Variants in ASPSCR1 observed in about 807,000 individuals in gnomAD.
ASPSCR1 encodes the protein ASPSCR1 tether for SLC2A4, UBX domain containing.
A neutral mutation model predicts 68.9 loss-of-function variants in ASPSCR1; 55 were observed. The ratio of observed to expected loss-of-function variants is 0.80; its 90% confidence interval spans 0.64 to 1.00. The LOEUF (loss-of-function observed/expected upper bound fraction) is 1.00. Among genes scored for constraint, ASPSCR1 ranks in the 50% least tolerant of loss-of-function variants. ASPSCR1 has a pLI of 0.00. For synonymous variants in ASPSCR1, 352 were observed against 332.6 expected (o/e 1.06, Z -0.63); for missense variants, 765 against 762.2 (o/e 1.00, Z -0.04).
chr17:81,996,483 G>A lies in ASPSCR1; in HGVS notation c.570G>A (p.Ser190=), dbSNP rs201473706. Residue 190 remains serine, a synonymous_variant, in exon 7 of 16, where the codon TCG becomes TCA. Transcript: ENST00000306739. ...CAGGAAGCCTGGGCTCGTCAGCGTC[G>A]GCTGGCCAGGCAGCCGCCAGCGCTC... ...KTPGSLGSSA[S]AGQAAASAPL... 108 of 1,611,192 alleles carry A rather than the reference G, an allele frequency of 6.7e-5. No individual in the cohort carries two copies. The highest frequency in any genetic ancestry group is 8.4e-5 in the Non-Finnish European group (99 of 1,178,988).
chr17:81,999,887 A>G lies in ASPSCR1; in HGVS notation c.933+3041A>G, dbSNP rs2144055647. On this transcript the variant is annotated intron_variant, in intron 7 of 15. Transcript: ENST00000306739. The surrounding 1 kb of genome is among the most constrained non-coding windows in gnomAD (Gnocchi z 4.4). The stretch of plus-strand genomic sequence containing the variant: ...GGGGGCTCCCATCTAGCCCGGCGTC[A>G]GGGTCCAGCCCCTCTGTTTTCTGTC... Among the ~76,000 whole-genome samples the G allele has an allele frequency of 6.6e-6, 1 of 152,328 alleles. No homozygotes were observed.
rs2042018952 is a variant in ASPSCR1 at position 81,987,103 on chromosome 17, G to A, written c.374+1496G>A. 6.7e-6 allele frequency among the ~76,000 whole-genome samples: 1 copy of A among 150,276 alleles called. No homozygotes were observed. The highest frequency in any genetic ancestry group is 2.1e-4 in the South Asian group (1 of 4,762). ...AGCCTAAGAGCAAAGCGAAGCCACGGGCAGGGGTGAGCGGGACCCGAGGCA... is the reference window on the plus strand; with the variant it reads ...AGCCTAAGAGCAAAGCGAAGCCACGAGCAGGGGTGAGCGGGACCCGAGGCA... On this transcript the variant is annotated intron_variant, in intron 4 of 15. Transcript: ENST00000306739. The surrounding 1 kb of genome is among the most constrained non-coding windows in gnomAD (Gnocchi z 5.6).
At chr17:81,980,071 C>T (rs1345624052) in intron 2 of ASPSCR1, among the ~76,000 whole-genome samples, 1 of 152,216 alleles carries the variant, frequency 6.6e-6, no homozygotes, top group Non-Finnish European at 1.5e-5. Context: ...CAACCTCCAC[C>T]TCCTAGGTTC....
chr17:81,992,205 C>G (rs770799898), intron 4 of ASPSCR1, among the ~76,000 whole-genome samples: 1 of 152,158 alleles, frequency 6.6e-6, no homozygotes, highest in Non-Finnish European at 1.5e-5. Context: ...TGGGTCTTGC[C>G]CCTGCGGACA....
intron 10 of ASPSCR1, 103 bp downstream of exon 10, chr17:82,010,971 G>A (rs535174123): frequency 3.7e-6 from 5 of 1,366,604 alleles, no homozygotes; most frequent in Middle Eastern, 2.5e-4. Flanking sequence ...CCTGGCCTGC[G>A]GGCTCCAGGG....
At chr17:81,997,295 C>T (rs576814770) in intron 7 of ASPSCR1, among the ~76,000 whole-genome samples, 20 of 152,124 alleles carry the variant, frequency 1.3e-4, no homozygotes, top group Admixed American at 9.2e-4. Flanking sequence ...ACTACATGCA[C>T]GTTAAGGGGT....
In ASPSCR1 at chr17:82,016,463, G is replaced by C; in HGVS notation, c.1354-13G>C. ...CCCACACCCGGCCCCTGAGCCCCCC[G>C]CCCTCCCTGCAGGCGAACCTCTTCC... On this transcript the variant is annotated splice_polypyrimidine_tract_variant and intron_variant, in intron 12 of 15. Transcript: ENST00000306739. 6.5e-7 allele frequency: 1 copy of C among 1,546,898 alleles called. No homozygotes were observed. The highest frequency in any genetic ancestry group is 8.7e-7 in the Non-Finnish European group (1 of 1,146,368).
In ASPSCR1 at chr17:81,999,157, C is replaced by A. The variant is rs757459426; in HGVS notation, c.933+2311C>A. Among the ~76,000 whole-genome samples the A allele has an allele frequency of 6.6e-6, 1 of 152,214 alleles. No homozygotes were observed. Among genetic ancestry groups the A allele is most frequent in the Admixed American group, 6.5e-5 (1 of 15,282 alleles). On this transcript the variant is annotated intron_variant, in intron 7 of 15. Coordinates refer to ENST00000306739, the MANE Select transcript of ASPSCR1 (RefSeq NM_024083.4). The surrounding 1 kb of genome is among the most constrained non-coding windows in gnomAD (Gnocchi z 4.4). ...AGAGGCAGACTGGGGGACTGTCATG[C>A]GGCTTTCGGTGACAGGGATGGGAGG...
Position 81,983,708 on chromosome 17 carries a change from A to T in ASPSCR1, c.273+40A>T. ...GGGGGAGGCTGACTGTGTGGGGCACAGGATCGTTCAGCTGGCCAGGGACGG... is the reference window on the plus strand; with the variant it reads ...GGGGGAGGCTGACTGTGTGGGGCACTGGATCGTTCAGCTGGCCAGGGACGG... On this transcript the variant is annotated intron_variant, in intron 3 of 15. Coordinates refer to ENST00000306739, the MANE Select transcript of ASPSCR1 (RefSeq NM_024083.4). This position sits in a 1 kb window ranked among gnomAD's most constrained non-coding sequence, Gnocchi z 4.4. The T allele has an allele frequency of 1.3e-6, 2 of 1,504,370 alleles. No homozygotes were observed. The highest frequency in any genetic ancestry group is 2.3e-5 in the East Asian group (1 of 42,954). The allele number at this position is 1,504,370 out of a possible 1,614,324, so 93.2% of individuals were successfully genotyped here.
At chr17:81,989,388 G>A (rs1472688693) in intron 4 of ASPSCR1, among the ~76,000 whole-genome samples, 1 of 152,196 alleles carries the variant, frequency 6.6e-6, no homozygotes, top group Non-Finnish European at 1.5e-5. Flanking sequence ...CAGCAGGTCT[G>A]CATGAGGGAG....
At chr17:81,989,752 C>G (rs982962684) in intron 4 of ASPSCR1, among the ~76,000 whole-genome samples, 1 of 152,208 alleles carries the variant, frequency 6.6e-6, no homozygotes, top group Non-Finnish European at 1.5e-5. Flanking sequence ...ACCAGCGTCT[C>G]AAGCAGCAGG....
intron 3 of ASPSCR1, among the ~76,000 whole-genome samples, chr17:81,984,914 G>C (rs1485897862): frequency 7.5e-5 from 4 of 53,392 alleles, no homozygotes; most frequent in Admixed American, 6.0e-4. Context: ...CACCCCTACA[G>C]CAACGTGCAC....
intron 7 of ASPSCR1, among the ~76,000 whole-genome samples, chr17:82,003,871 G>A (rs1359453162): frequency 3.3e-5 from 5 of 152,222 alleles, no homozygotes; most frequent in Admixed American, 6.5e-5. Context: ...TGAGTAACTC[G>A]GGAGGTTTGG....
Position 82,012,224 on chromosome 17 carries a change from T to C in ASPSCR1, c.1301-7T>C. 1 of 1,613,364 alleles carries C rather than the reference T, an allele frequency of 6.2e-7. No individual in the cohort carries two copies. Among genetic ancestry groups the C allele is most frequent in the Non-Finnish European group, 8.5e-7 (1 of 1,179,728 alleles). ...CTTCCTAACACGTAGGTGCCTTCTCTCCTCAGTCATCACCCCTCCAAAAAC... is the reference window on the plus strand; with the variant it reads ...CTTCCTAACACGTAGGTGCCTTCTCCCCTCAGTCATCACCCCTCCAAAAAC... On this transcript the variant is annotated splice_polypyrimidine_tract_variant and splice_region_variant and intron_variant, in intron 11 of 15. Coordinates refer to ENST00000306739, the MANE Select transcript of ASPSCR1 (RefSeq NM_024083.4).
intron 1 of ASPSCR1, chr17:81,978,035 C>T: frequency 4.5e-6 from 1 of 222,742 alleles, no homozygotes; most frequent in Non-Finnish European, 8.7e-6. Flanking sequence ...CCCGGCCGAG[C>T]CCAGCTCGCG....
chr17:81,997,876 G>T (rs1464256181), intron 7 of ASPSCR1, among the ~76,000 whole-genome samples: 1 of 147,898 alleles, frequency 6.8e-6, no homozygotes, highest in Non-Finnish European at 1.5e-5. Flanking sequence ...GCCCAGGCTG[G>T]AGTGTGGTGG....
intron 10 of ASPSCR1, 103 bp from the exon 11 acceptor site, chr17:82,011,439 TC>T: frequency 4.4e-6 from 5 of 1,130,010 alleles, no homozygotes; most frequent in Non-Finnish European, 5.0e-6. Context: ...TTCCCACCCC[TC>T]GGGGAAAGGC....
chr17:81,996,342 G>A, intron 6 of ASPSCR1, 78 bp from the exon 7 acceptor site: 1 of 1,518,200 alleles, frequency 6.6e-7, no homozygotes, highest in Non-Finnish European at 8.8e-7. Context: ...GGGCGGGAGA[G>A]GGTGAGCCTG....
intron 7 of ASPSCR1, among the ~76,000 whole-genome samples, chr17:82,000,067 G>A (rs2042477702): frequency 1.3e-5 from 2 of 152,238 alleles, no homozygotes; most frequent in Non-Finnish European, 2.9e-5. Context: ...TCCCCATGAA[G>A]CGCTCGTGCC....
Sources: gnomAD v4.1 joint callset for allele counts (sites outside exome capture counted in the v4.1 genomes callset) on GRCh38, gnomAD v4.1.1 for gene constraint, Gnocchi (gnomAD v3.1) non-coding constraint, MANE v1.5 for transcripts, NCBI Gene and HGNC (gene_info 2026-07-23, HGNC 2026-07-21) for gene names.